Variants in CCSER1 observed in about 807,000 individuals in gnomAD.
CCSER1 encodes serine-rich coiled-coil domain-containing protein 1.
In CCSER1, 41 loss-of-function variants were observed where a neutral mutation model predicts 82.0. The ratio of observed to expected loss-of-function variants is 0.50; its 90% CI spans 0.39 to 0.65. The LOEUF is 0.65. Ranked by LOEUF, CCSER1 falls within the 30% of genes least tolerant of loss-of-function variation. CCSER1 has a pLI of 0.00. For synonymous variants in CCSER1, 414 were observed against 383.9 expected, an observed-to-expected ratio of 1.08 and a Z score of -0.92; for missense variants, 1,119 against 1,064.2, an observed-to-expected ratio of 1.05 and a Z score of -0.72.
In CCSER1 at chr4:91,042,885, C is replaced by T. The variant is rs896632455; in HGVS notation, c.2173-43065C>T. ...CTTGAAAACAAAGATCTCTGCATTC[C>T]GGTATTTTAGGGATCCTCAAAAACA... On this transcript the variant is annotated intron_variant, in intron 9 of 10. Transcript: ENST00000509176. 7.2e-5 allele frequency among the ~76,000 whole-genome samples: 11 copies of T among 152,192 alleles called. 1 individual carries two copies. The highest frequency in any genetic ancestry group is 4.1e-4 in the South Asian group (2 of 4,828).
At chr4:91,303,972 T>C (rs1455558980) in intron 10 of CCSER1, among the ~76,000 whole-genome samples, 2 of 152,138 alleles carry the variant, frequency 1.3e-5, no homozygotes, top group East Asian at 3.9e-4. Context: ...AAATAATATA[T>C]ATTATTCACA....
intron 10 of CCSER1, among the ~76,000 whole-genome samples, chr4:91,546,975 T>TTA (rs1761924015): frequency 6.7e-6 from 1 of 149,820 alleles, no homozygotes; most frequent in Non-Finnish European, 1.5e-5. Flanking sequence ...GAGTTTTCTT[T>TTA]TTTTTTTTTT....
At chr4:91,407,985 G>A (rs1752802295) in intron 10 of CCSER1, among the ~76,000 whole-genome samples, 2 of 152,064 alleles carry the variant, frequency 1.3e-5, no homozygotes, top group South Asian at 4.1e-4. Flanking sequence ...GAGGGCTGTT[G>A]ATGCTCCTGC....
chr4:91,560,120 T>C (rs1173200644), intron 10 of CCSER1, among the ~76,000 whole-genome samples: 1 of 151,382 alleles, frequency 6.6e-6, no homozygotes, highest in Non-Finnish European at 1.5e-5. Flanking sequence ...TAATAAAATA[T>C]GTTGCTTTAT....
At chr4:91,491,774 T>A (rs1427016792) in intron 10 of CCSER1, among the ~76,000 whole-genome samples, 4 of 152,078 alleles carry the variant, frequency 2.6e-5, no homozygotes, top group Non-Finnish European at 5.9e-5. Context: ...CTCATGTGAC[T>A]ACCCTACCAG....
intron 1 of CCSER1, among the ~76,000 whole-genome samples, chr4:90,267,845 C>T (rs907794383): frequency 3.1e-4 from 47 of 152,162 alleles, no homozygotes; most frequent in African/African-American, 1.1e-3. Flanking sequence ...CAATTCTCTT[C>T]TAACACCTGG....
intron 10 of CCSER1, among the ~76,000 whole-genome samples, chr4:91,376,398 C>T (rs771934126): frequency 1.3e-5 from 2 of 151,966 alleles, no homozygotes; most frequent in Non-Finnish European, 2.9e-5. Flanking sequence ...GGGAAGTATT[C>T]GTGTATCTAA....
chr4:90,223,798 C>A (rs1343256903), intron 1 of CCSER1, among the ~76,000 whole-genome samples: 1 of 152,176 alleles, frequency 6.6e-6, no homozygotes, highest in Non-Finnish European at 1.5e-5. Context: ...AAGAAACTTG[C>A]TCATTGTAGG....
At chr4:91,574,568 A>C (rs1261930653) in intron 10 of CCSER1, among the ~76,000 whole-genome samples, 1 of 152,162 alleles carries the variant, frequency 6.6e-6, no homozygotes, top group Admixed American at 6.6e-5. Context: ...AGATGTAAAA[A>C]AGAATGAGAT....
At chr4:91,238,506 C>A (rs1560536442) in intron 10 of CCSER1, among the ~76,000 whole-genome samples, 1 of 152,124 alleles carries the variant, frequency 6.6e-6, no homozygotes, top group Non-Finnish European at 1.5e-5. Flanking sequence ...GAGATAATAA[C>A]TTTTTTATTT....
chr4:91,347,715 A>C (rs554371010), intron 10 of CCSER1, among the ~76,000 whole-genome samples: 1 of 152,098 alleles, frequency 6.6e-6, no homozygotes, highest in Admixed American at 6.5e-5. Context: ...CTAAGTATTC[A>C]ATTTTTGAGA....
chr4:90,142,588 A>G lies in CCSER1; in HGVS notation c.-42+14757A>G, dbSNP rs1724996342. Among the ~76,000 whole-genome samples the G allele has an allele frequency of 3.3e-5, 5 of 152,086 alleles. No individual in the cohort carries two copies. In the South Asian group the frequency reaches 1.0e-3, roughly 32 times the overall value. ...AAAATATACTAATACAGGCAAATGC[A>G]CAATACAGCAGAGGGATATCGTTTT... On this transcript the variant is annotated intron_variant, in intron 1 of 10. Transcript: ENST00000509176.
chr4:91,438,275 T>C (rs1231177336), intron 10 of CCSER1, among the ~76,000 whole-genome samples: 1 of 152,142 alleles, frequency 6.6e-6, no homozygotes, highest in African/African-American at 2.4e-5. Context: ...GGTACTCTTC[T>C]GAGACAAAAC....
rs535845856 is a variant in CCSER1 at position 91,467,914 on chromosome 4, C to T, written c.2218-130658C>T. ...TTTACACTTTTGGTGGGACTGTAAACTATTTCAACCATTGTGGAAGACAGT... is the reference window on the plus strand; with the variant it reads ...TTTACACTTTTGGTGGGACTGTAAATTATTTCAACCATTGTGGAAGACAGT... On this transcript the variant is annotated intron_variant, in intron 10 of 10. Transcript: ENST00000509176. Among the ~76,000 whole-genome samples the T allele has an allele frequency of 2.6e-5, 4 of 152,254 alleles. No individual in the cohort carries two copies. In the East Asian group the frequency reaches 7.7e-4, roughly 29 times the overall value.
intron 6 of CCSER1, among the ~76,000 whole-genome samples, chr4:90,669,830 G>A (rs576176375): frequency 6.6e-6 from 1 of 152,154 alleles, no homozygotes; most frequent in South Asian, 2.1e-4. Context: ...TAAGTTCAAT[G>A]AGAAAAAAGA....
intron 5 of CCSER1, among the ~76,000 whole-genome samples, chr4:90,498,422 A>G (rs1769353960): frequency 6.6e-6 from 1 of 152,186 alleles, no homozygotes; most frequent in Non-Finnish European, 1.5e-5. Flanking sequence ...AGACTACTGT[A>G]TAATGACATT....
In CCSER1 at chr4:91,437,511, G is replaced by T. The variant is rs566495671; in HGVS notation, c.2218-161061G>T. On this transcript the variant is annotated intron_variant, in intron 10 of 10. Transcript: ENST00000509176. ...TAATATGAGGGCAGCCAAGATGGCC[G>T]AATAGGAACAGCTCCGGTCTACAGC... Among the ~76,000 whole-genome samples the T allele has an allele frequency of 2.6e-5, 4 of 152,314 alleles. No individual in the cohort carries two copies. In the South Asian group the frequency reaches 8.3e-4, roughly 32 times the overall value.
intron 7 of CCSER1, among the ~76,000 whole-genome samples, chr4:90,740,614 G>T (rs1434900768): frequency 6.6e-6 from 1 of 152,076 alleles, no homozygotes; most frequent in East Asian, 1.9e-4. Context: ...AGAAAGGTTG[G>T]TACAAGATAA....
At chr4:90,284,494 AT>A (rs34170994) in intron 1 of CCSER1, among the ~76,000 whole-genome samples, 74,571 of 137,156 alleles carry the variant, frequency 0.54, 20,147 homozygotes, top group African/African-American at 0.72. Context: ...CTTTGAATTG[AT>A]TTTTTTTTTT....
Sources: gnomAD v4.1 joint callset for allele counts (sites outside exome capture counted in the v4.1 genomes callset) on GRCh38, gnomAD v4.1.1 for gene constraint, MANE v1.5 for transcripts, NCBI Gene and HGNC (gene_info 2026-07-23, HGNC 2026-07-21) for gene names.